KIRREL3: variants seen among roughly 807,000 people sequenced by gnomAD.
KIRREL3 encodes the protein kin of IRRE-like protein 3.
KIRREL3 carries 36 observed loss-of-function variants against 89.7 expected under a neutral mutation model. The ratio of observed to expected loss-of-function variants is 0.40; its 90% CI spans 0.31 to 0.53. The LOEUF (loss-of-function observed/expected upper bound fraction) is 0.53, where lower values mean the gene tolerates loss of function less well. Among genes scored for constraint, KIRREL3 ranks in the 20% least tolerant of loss-of-function variants. KIRREL3 has a pLI of 0.49. For missense variants in KIRREL3, 864 were observed against 1,056.6 expected (o/e 0.82, Z 2.53); for synonymous variants, 445 against 441.4 (o/e 1.01, Z -0.10).
intron 1 of KIRREL3, among the ~76,000 whole-genome samples, chr11:126,928,255 AC>A (rs1947802212): frequency 6.6e-6 from 1 of 152,234 alleles, no homozygotes; most frequent in Non-Finnish European, 1.5e-5. Flanking sequence ...AAGATCAGGA[AC>A]AAAGCTCAGA....
rs563015664 is a variant in KIRREL3 at position 126,754,327 on chromosome 11, A to G, written c.56-191415T>C. 6.6e-6 allele frequency among the ~76,000 whole-genome samples: 1 copy of G among 152,338 alleles called. No homozygotes were observed. Among genetic ancestry groups the G allele is most frequent in the South Asian group, 2.1e-4 (1 of 4,824 alleles). On this transcript the variant is annotated intron_variant, in intron 1 of 16. Coordinates refer to ENST00000525144, the MANE Select transcript of KIRREL3 (RefSeq NM_032531.4). The surrounding 1 kb of genome is among the most constrained non-coding windows in gnomAD (Gnocchi z 5.1). Reference sequence around the variant, plus strand: ...TTAAAAGAAAACTTGATGGAAAATAAAGATGTTCACTGCTGAAACAGCATT... The same window carrying G: ...TTAAAAGAAAACTTGATGGAAAATAGAGATGTTCACTGCTGAAACAGCATT...
chr11:126,744,099 G>A lies in KIRREL3; in HGVS notation c.56-181187C>T, dbSNP rs1054667873. On this transcript the variant is annotated intron_variant, in intron 1 of 16. Coordinates refer to ENST00000525144, the MANE Select transcript of KIRREL3 (RefSeq NM_032531.4). This position sits in a 1 kb window ranked among gnomAD's most constrained non-coding sequence, Gnocchi z 4.7. ...TTCCAGAAAGTTGGGACTAGCCAAGGGGCAGAGGGCCCAGGAAGGTGGAGC... is the reference window on the plus strand; with the variant it reads ...TTCCAGAAAGTTGGGACTAGCCAAGAGGCAGAGGGCCCAGGAAGGTGGAGC... Among the ~76,000 whole-genome samples the A allele has an allele frequency of 6.6e-6, 1 of 152,194 alleles. No individual in the cohort carries two copies. The highest frequency in any genetic ancestry group is 2.4e-5 in the African/African-American group (1 of 41,432).
At chr11:126,820,403 G>C (rs1943169945) in intron 1 of KIRREL3, among the ~76,000 whole-genome samples, 1 of 152,152 alleles carries the variant, frequency 6.6e-6, no homozygotes, top group East Asian at 1.9e-4. Context: ...TGTGCAGCTA[G>C]AGCTAATGGC....
At chr11:126,572,707 T>G (rs904736094) in intron 1 of KIRREL3, among the ~76,000 whole-genome samples, 3 of 149,486 alleles carry the variant, frequency 2.0e-5, no homozygotes, top group South Asian at 2.1e-4. Flanking sequence ...GGCAGGGAGG[T>G]GGGGTGAGGT....
chr11:126,627,642 A>C lies in KIRREL3; in HGVS notation c.56-64730T>G, dbSNP rs1259002812. Among the ~76,000 whole-genome samples the C allele has an allele frequency of 5.9e-5, 9 of 152,248 alleles. No homozygotes were observed. Among genetic ancestry groups the C allele is most frequent in the Non-Finnish European group, 1.3e-4 (9 of 68,044 alleles). On this transcript the variant is annotated intron_variant, in intron 1 of 16. Transcript: ENST00000525144. The surrounding 1 kb of genome is among the most constrained non-coding windows in gnomAD (Gnocchi z 5.0). ...GGTCCAGCGGTTGGCTTTAGTAAAT[A>C]TGCCTCAAGCAGCTGTCACTGGGAC...
rs1442323263 is a variant in KIRREL3, at chr11:126,996,152, C to T, written c.55+4303G>A. On this transcript the variant is annotated intron_variant, in intron 1 of 16. Coordinates refer to ENST00000525144, the MANE Select transcript of KIRREL3 (RefSeq NM_032531.4). This position sits in a 1 kb window ranked among gnomAD's most constrained non-coding sequence, Gnocchi z 4.7. ...TTTCCAACAGACATGCCCCAGTTTC[C>T]CCACCCGAAGATTTGTTAAAGAAGT... 6.6e-6 allele frequency among the ~76,000 whole-genome samples: 1 copy of T among 152,156 alleles called. No homozygotes were observed. The highest frequency in any genetic ancestry group is 1.9e-4 in the East Asian group (1 of 5,180).
At chr11:126,451,405 T>G (rs1393373768) in intron 7 of KIRREL3, among the ~76,000 whole-genome samples, 1 of 114,388 alleles carries the variant, frequency 8.7e-6, no homozygotes, top group Non-Finnish European at 1.8e-5. Context: ...TGTGCATGTG[T>G]GCATGTGTGT....
upstream of KIRREL3, among the ~76,000 whole-genome samples, chr11:127,001,897 G>A (rs1267106499): frequency 2.0e-5 from 3 of 152,040 alleles, no homozygotes; most frequent in Non-Finnish European, 4.4e-5. Context: ...ACTGTGAGAA[G>A]GAGAGGTAAA....
Position 126,636,527 on chromosome 11 carries a change from T to A in KIRREL3, c.56-73615A>T, listed in dbSNP as rs1010698704. Reference sequence around the variant, plus strand: ...GCTCTGCCTTCGTGTTGGGCTCACATTACAGACATTTGAGTGTCTGCCCCT... The same window carrying A: ...GCTCTGCCTTCGTGTTGGGCTCACAATACAGACATTTGAGTGTCTGCCCCT... On this transcript the variant is annotated intron_variant, in intron 1 of 16. Coordinates refer to ENST00000525144, the MANE Select transcript of KIRREL3 (RefSeq NM_032531.4). The surrounding 1 kb of genome is among the most constrained non-coding windows in gnomAD (Gnocchi z 4.4). Among the ~76,000 whole-genome samples, 1 of 152,204 alleles carries A rather than the reference T, an allele frequency of 6.6e-6. No individual in the cohort carries two copies. The highest frequency in any genetic ancestry group is 1.5e-5 in the Non-Finnish European group (1 of 68,032).
intron 1 of KIRREL3, among the ~76,000 whole-genome samples, chr11:126,967,785 T>C (rs539186419): frequency 6.6e-6 from 1 of 152,226 alleles, no homozygotes; most frequent in African/African-American, 2.4e-5. Context: ...CTTGGTGATG[T>C]CTGGAGATAT....
chr11:126,700,299 T>C (rs1054260659), intron 1 of KIRREL3, among the ~76,000 whole-genome samples: 1 of 152,194 alleles, frequency 6.6e-6, no homozygotes, highest in Non-Finnish European at 1.5e-5. Context: ...AACAAGTATA[T>C]GTACACACAC....
rs148677553 is a variant in KIRREL3 at position 126,834,011 on chromosome 11, C to T, written c.55+166444G>A. 1.5e-3 allele frequency among the ~76,000 whole-genome samples: 222 copies of T among 152,310 alleles called. 1 individual carries two copies. The highest frequency in any genetic ancestry group is 5.0e-3 in the African/African-American group (209 of 41,568). Reference sequence around the variant, plus strand: ...GCGTCCCTGTCTCCAAATGCATTGACCCAAATGTACCAGTGCTTGGGAGAA... The same window carrying T: ...GCGTCCCTGTCTCCAAATGCATTGATCCAAATGTACCAGTGCTTGGGAGAA... On this transcript the variant is annotated intron_variant, in intron 1 of 16. Transcript: ENST00000525144.
chr11:126,698,209 C>T (rs979190752), intron 1 of KIRREL3, among the ~76,000 whole-genome samples: 8 of 152,158 alleles, frequency 5.3e-5, no homozygotes, highest in Non-Finnish European at 1.0e-4. Context: ...TTCCATCTGT[C>T]TATCAGCAGG....
At chr11:126,488,803 G>T (rs1288532809) in intron 4 of KIRREL3, among the ~76,000 whole-genome samples, 2 of 152,130 alleles carry the variant, frequency 1.3e-5, no homozygotes, top group African/African-American at 4.8e-5. Flanking sequence ...CCAAAATGAC[G>T]ATCTAATCAA....
chr11:126,534,829 G>C (rs1937712486), intron 2 of KIRREL3, among the ~76,000 whole-genome samples: 1 of 148,524 alleles, frequency 6.7e-6, no homozygotes, highest in Non-Finnish European at 1.5e-5. Flanking sequence ...TGAGCAGGCA[G>C]GGCCTTTTGC....
In KIRREL3 at chr11:126,522,247, C is replaced by T. The variant is rs979717402; in HGVS notation, c.284-783G>A. Among the ~76,000 whole-genome samples the T allele has an allele frequency of 1.3e-5, 2 of 152,180 alleles. 1 individual carries two copies. Among genetic ancestry groups the T allele is most frequent in the South Asian group, 4.2e-4 (2 of 4,818 alleles). On this transcript the variant is annotated intron_variant, in intron 3 of 16. Transcript: ENST00000525144. This position sits in a 1 kb window ranked among gnomAD's most constrained non-coding sequence, Gnocchi z 6.0. ...GAGGAGAGAGAGAGAGACAGACAGA[C>T]AGAGAGACCCAGGCTGAGAATTACA...
At chr11:126,922,841 T>C (rs1387218909) in intron 1 of KIRREL3, among the ~76,000 whole-genome samples, 1 of 152,182 alleles carries the variant, frequency 6.6e-6, no homozygotes, top group Non-Finnish European at 1.5e-5. Flanking sequence ...CCCGGACTCA[T>C]TTCTTACCCA....
chr11:126,559,663 G>A (rs1240007618), intron 2 of KIRREL3, among the ~76,000 whole-genome samples: 1 of 151,884 alleles, frequency 6.6e-6, no homozygotes, highest in Non-Finnish European at 1.5e-5. Context: ...GGCAGAAAAT[G>A]TGTCTTACTC....
intron 1 of KIRREL3, among the ~76,000 whole-genome samples, chr11:126,597,540 G>A (rs1169874101): frequency 3.9e-5 from 6 of 152,192 alleles, no homozygotes; most frequent in Non-Finnish European, 7.3e-5. Context: ...GAAAGAGGAA[G>A]CTGGTGGGAA....
Sources: allele counts gnomAD v4.1 joint callset (sites outside exome capture counted in the v4.1 genomes callset), GRCh38; gene constraint gnomAD v4.1.1; non-coding constraint Gnocchi (gnomAD v3.1); transcripts MANE v1.5; gene names NCBI Gene and HGNC (gene_info 2026-07-23, HGNC 2026-07-21).